PARD3B: variants seen among roughly 807,000 people sequenced by gnomAD.
PARD3B encodes the protein par-3 family cell polarity regulator beta.
Under a neutral mutation model 130.2 loss-of-function variants are expected in PARD3B, and 103 were observed. That is an observed-to-expected ratio of 0.79 (90% confidence interval 0.67 to 0.93). PARD3B has a LOEUF of 0.93. PARD3B is among the 40% of genes least tolerant of loss of function. The pLI is 0.00. For missense variants in PARD3B, 1,609 were observed against 1,499.2 expected (o/e 1.07, Z -1.21); for synonymous variants, 583 against 553.2 (o/e 1.05, Z -0.76).
chr2:205,516,338 A>G (rs908294758), intron 21 of PARD3B, among the ~76,000 whole-genome samples: 7 of 151,982 alleles, frequency 4.6e-5, no homozygotes, highest in African/African-American at 1.2e-4. Flanking sequence ...GGATCTGTAA[A>G]TTGCTTTGGC....
At chr2:205,429,034 G>A (rs986504176) in intron 19 of PARD3B, among the ~76,000 whole-genome samples, 1 of 152,158 alleles carries the variant, frequency 6.6e-6, no homozygotes, top group African/African-American at 2.4e-5. Context: ...AAGGCTAAAG[G>A]TTAAGCCAGA....
At chr2:205,603,768 A>C (rs1040682070) in intron 22 of PARD3B, among the ~76,000 whole-genome samples, 1 of 152,180 alleles carries the variant, frequency 6.6e-6, no homozygotes, top group Non-Finnish European at 1.5e-5. Context: ...GGGTCTTTTG[A>C]ATACAGAATA....
At chr2:205,066,852 T>C (rs1043343148) in intron 4 of PARD3B, among the ~76,000 whole-genome samples, 5 of 152,142 alleles carry the variant, frequency 3.3e-5, no homozygotes, top group African/African-American at 1.2e-4. Context: ...AAGTAACTTT[T>C]ATTTTCAGTT....
At chr2:204,958,505 C>T (rs1285991990) in intron 2 of PARD3B, among the ~76,000 whole-genome samples, 2 of 152,076 alleles carry the variant, frequency 1.3e-5, no homozygotes, top group African/African-American at 4.8e-5. Flanking sequence ...CAGAAATTAC[C>T]TATTGGTTGT....
At chr2:204,941,276 A>T (rs1256137126) in intron 2 of PARD3B, among the ~76,000 whole-genome samples, 4 of 152,200 alleles carry the variant, frequency 2.6e-5, no homozygotes. Context: ...CAGGAGGCTG[A>T]GGGAGGAGAA....
At chr2:204,963,713 T>A (rs1303645493) in intron 2 of PARD3B, among the ~76,000 whole-genome samples, 1 of 152,214 alleles carries the variant, frequency 6.6e-6, no homozygotes, top group Non-Finnish European at 1.5e-5. Flanking sequence ...TATACTAGAA[T>A]AATCTTTCAT....
In PARD3B at chr2:205,575,111, A is replaced by ACACACACACG. The variant is rs1553550390; in HGVS notation, c.3260+21711_3260+21712insACACACGCAC. On this transcript the variant is annotated intron_variant, in intron 22 of 22. Transcript: ENST00000406610. This position sits in a 1 kb window ranked among gnomAD's most constrained non-coding sequence, Gnocchi z 4.6. ...CACACACACACACACACACACACAC[A>ACACACACACG]CACGCGTACACTATATATAAAAATA... Among the ~76,000 whole-genome samples the ACACACACACG allele has an allele frequency of 6.8e-6, 1 of 147,066 alleles. No homozygotes were observed. The highest frequency in any genetic ancestry group is 2.2e-4 in the South Asian group (1 of 4,566).
intron 1 of PARD3B, among the ~76,000 whole-genome samples, chr2:204,626,878 T>C (rs1281451005): frequency 6.6e-6 from 1 of 152,110 alleles, no homozygotes; most frequent in African/African-American, 2.4e-5. Flanking sequence ...CCAACACCTA[T>C]GATATGGTTT....
chr2:205,080,242 G>C (rs79024572), intron 4 of PARD3B, among the ~76,000 whole-genome samples: 1 of 151,946 alleles, frequency 6.6e-6, no homozygotes, highest in Non-Finnish European at 1.5e-5. Context: ...CAACTTTACA[G>C]AATATCTACT....
chr2:205,253,328 C>A lies in PARD3B; in HGVS notation c.2185+7506C>A. 1 of 535,794 alleles carries A rather than the reference C, an allele frequency of 1.9e-6. No individual in the cohort carries two copies. Among genetic ancestry groups the A allele is most frequent in the Admixed American group, 2.1e-5 (1 of 47,854 alleles). The allele number at this position is 535,794 out of a possible 1,614,324, so 33.2% of individuals were successfully genotyped here. A position where few individuals can be genotyped will look rare whatever the true frequency, so the allele number is the denominator to read the frequency against. Reference sequence around the variant, plus strand: ...CTGGCCGCCCCCCTACAAAGGAGGCCATGGAACCGATGGAACTGATGGAGG... The same window carrying A: ...CTGGCCGCCCCCCTACAAAGGAGGCAATGGAACCGATGGAACTGATGGAGG... On this transcript the variant is annotated intron_variant, in intron 16 of 22. Coordinates refer to ENST00000406610, the MANE Select transcript of PARD3B (RefSeq NM_001302769.2). The surrounding 1 kb of genome is among the most constrained non-coding windows in gnomAD (Gnocchi z 4.4).
chr2:204,670,825 T>C (rs1161860266), intron 1 of PARD3B, among the ~76,000 whole-genome samples: 1 of 152,196 alleles, frequency 6.6e-6, no homozygotes, highest in East Asian at 1.9e-4. Context: ...AATGACTTTA[T>C]TTGCTTAGTT....
intron 18 of PARD3B, among the ~76,000 whole-genome samples, chr2:205,368,389 T>C (rs761192838): frequency 1.3e-5 from 2 of 152,116 alleles, no homozygotes; most frequent in Non-Finnish European, 2.9e-5. Context: ...TCCCAGCACT[T>C]TGGGAGGCCG....
At chr2:204,647,623 A>G (rs1197708577) in intron 1 of PARD3B, among the ~76,000 whole-genome samples, 4 of 151,856 alleles carry the variant, frequency 2.6e-5, no homozygotes, top group Non-Finnish European at 5.9e-5. Flanking sequence ...AATATCCAAT[A>G]GTAATTTGAA....
At chr2:205,327,488 A>C (rs2042975743) in intron 18 of PARD3B, among the ~76,000 whole-genome samples, 1 of 152,240 alleles carries the variant, frequency 6.6e-6, no homozygotes, top group African/African-American at 2.4e-5. Flanking sequence ...AATCCTATGA[A>C]GTAGCCACTG....
chr2:204,755,829 C>T (rs1037277327), intron 2 of PARD3B, among the ~76,000 whole-genome samples: 1 of 152,032 alleles, frequency 6.6e-6, no homozygotes, highest in Non-Finnish European at 1.5e-5. Context: ...ATGACTTTTA[C>T]CACTATTTAT....
intron 16 of PARD3B, among the ~76,000 whole-genome samples, chr2:205,290,782 C>T (rs2041580078): frequency 6.6e-6 from 1 of 152,072 alleles, no homozygotes; most frequent in Non-Finnish European, 1.5e-5. Flanking sequence ...GTAGATAGGG[C>T]CTTTGAGAAA....
intron 22 of PARD3B, among the ~76,000 whole-genome samples, chr2:205,611,823 A>G (rs141828532): frequency 1.3e-5 from 2 of 152,232 alleles, no homozygotes; most frequent in South Asian, 2.1e-4. Flanking sequence ...AAACAGTAAC[A>G]TATACAAACA....
intron 1 of PARD3B, among the ~76,000 whole-genome samples, chr2:204,546,433 A>G (rs2029936530): frequency 6.6e-6 from 1 of 152,156 alleles, no homozygotes; most frequent in African/African-American, 2.4e-5. Flanking sequence ...GGTGATTGGA[A>G]TGCCCACTGA....
At position 205,125,778 on chromosome 2, in the gene PARD3B, A is replaced by C. The variant is rs770412336; in HGVS notation, c.1434+41A>C. ...CAGTCTCACTGAATTTTTAATGCCG[A>C]GCTTAATACACTCAATGAACTCATT... On this transcript the variant is annotated intron_variant, in intron 10 of 22. Coordinates refer to ENST00000406610, the MANE Select transcript of PARD3B (RefSeq NM_001302769.2). The surrounding 1 kb of genome is among the most constrained non-coding windows in gnomAD (Gnocchi z 4.0). 1.9e-6 allele frequency: 3 copies of C among 1,608,676 alleles called. No individual in the cohort carries two copies. Among genetic ancestry groups the C allele is most frequent in the Admixed American group, 3.4e-5 (2 of 59,558 alleles).
Sources: allele counts gnomAD v4.1 joint callset (sites outside exome capture counted in the v4.1 genomes callset), GRCh38; gene constraint gnomAD v4.1.1; non-coding constraint Gnocchi (gnomAD v3.1); transcripts MANE v1.5; gene names NCBI Gene and HGNC (gene_info 2026-07-23, HGNC 2026-07-21).